The following MTREX variants were observed in gnomAD, a reference collection of about 807,000 sequenced individuals.
MTREX encodes the protein exosome RNA helicase MTR4.
MTREX carries 76 observed loss-of-function variants against 135.4 expected under a neutral mutation model. That is an observed-to-expected ratio of 0.56 (90% confidence interval 0.47 to 0.68). The LOEUF is 0.68. MTREX is among the 30% of genes least tolerant of loss of function. MTREX has a pLI of 0.00. For synonymous variants in MTREX, 404 were observed against 401.6 expected (o/e 1.01, Z -0.07); for missense variants, 920 against 1,262.1 (o/e 0.73, Z 4.11).
intron 1 of MTREX, 33 bp from the exon 2 acceptor site, chr5:55,322,294 T>A: frequency 6.4e-7 from 1 of 1,573,372 alleles, no homozygotes; most frequent in Non-Finnish European, 8.6e-7. Context: ...AAGTGGATAC[T>A]GCAGAATTCA....
chr5:55,396,159 C>A (rs531064886), intron 19 of MTREX, among the ~76,000 whole-genome samples: 1 of 152,172 alleles, frequency 6.6e-6, no homozygotes, highest in African/African-American at 2.4e-5. Flanking sequence ...ACTTGGAATT[C>A]TGTGAAAATG....
In MTREX at chr5:55,379,157, G is replaced by A; in HGVS notation, c.2014G>A (p.Gly672Arg). Reference protein sequence around the residue: ...VKNEGDDFGWGVVVNFSKKSN... With the variant: ...VKNEGDDFGWRVVVNFSKKSN... ...GAATGAAGGAGATGACTTTGGCTGG[G>A]GAGTAGTGGTGAATTTCTCAAAAAA... The change falls in exon 18 of 27, where the codon GGA (glycine) becomes AGA (arginine). Residue 672 changes from glycine (G) to arginine (R), a missense_variant. Physicochemically the swap from Gly to Arg is moderately radical, Grantham distance 125. Coordinates refer to ENST00000230640, the MANE Select transcript of MTREX (RefSeq NM_015360.5). 5 of 1,609,306 alleles carry A rather than the reference G, an allele frequency of 3.1e-6. No individual in the cohort carries two copies. Among genetic ancestry groups the A allele is most frequent in the Non-Finnish European group, 4.2e-6 (5 of 1,177,194 alleles).
At chr5:55,316,581 A>G (rs889963981) in intron 1 of MTREX, among the ~76,000 whole-genome samples, 1 of 152,176 alleles carries the variant, frequency 6.6e-6, no homozygotes, top group Non-Finnish European at 1.5e-5. Flanking sequence ...ATAAAATTCA[A>G]CACCCCTCCA....
intron 16 of MTREX, 133 bp downstream of exon 16, chr5:55,367,008 G>C: frequency 1.6e-6 from 1 of 608,624 alleles, no homozygotes. Context: ...CTGCACAACT[G>C]TAGTCTGGTC....
chr5:55,379,266 C>T (rs1040547472), intron 18 of MTREX, 71 bp downstream of exon 18: 9 of 913,632 alleles, frequency 9.9e-6, no homozygotes, highest in Admixed American at 4.0e-5. Flanking sequence ...CTTATGAAAT[C>T]GGTCTAAGAA....
chr5:55,317,871 C>T (rs936696636), intron 1 of MTREX, among the ~76,000 whole-genome samples: 2 of 152,154 alleles, frequency 1.3e-5, no homozygotes, highest in Non-Finnish European at 2.9e-5. Flanking sequence ...TTTTTGCAAA[C>T]TATGCATTTG....
intron 19 of MTREX, among the ~76,000 whole-genome samples, chr5:55,390,975 G>T (rs932290627): frequency 6.6e-6 from 1 of 151,900 alleles, no homozygotes. Flanking sequence ...AAATTTCTTG[G>T]CTTCCTCAGG....
chr5:55,375,622 A>C (rs1371587521), intron 16 of MTREX, among the ~76,000 whole-genome samples: 1 of 152,118 alleles, frequency 6.6e-6, no homozygotes, highest in Non-Finnish European at 1.5e-5. Flanking sequence ...CAGTTAATGC[A>C]ACTATTACAG....
chr5:55,372,142 G>A (rs887771387), intron 16 of MTREX, among the ~76,000 whole-genome samples: 3 of 152,122 alleles, frequency 2.0e-5, no homozygotes, highest in Non-Finnish European at 4.4e-5. Flanking sequence ...TCAGTGTGCA[G>A]TCTCCATTTT....
At chr5:55,325,446 C>A (rs1038410836) in intron 3 of MTREX, among the ~76,000 whole-genome samples, 8 of 150,822 alleles carry the variant, frequency 5.3e-5, no homozygotes, top group African/African-American at 9.8e-5. Context: ...ATCCTTCTGT[C>A]TCAGCCTCCC....
chr5:55,423,232 A>G (rs1006047825), intron 26 of MTREX: 4 of 423,772 alleles, frequency 9.4e-6, no homozygotes, highest in African/African-American at 6.1e-5. Context: ...ACTAGGGGAT[A>G]TAGTGAACAA....
chr5:55,322,346 T>C lies in MTREX; in HGVS notation c.154T>C (p.Leu52=), dbSNP rs772597216. ...TTTCAGGAAACGTTTTGATGGTAAA[T>C]TACAATCAGAATCAACTAATAATGG... ...DKAGKRFDGK[L]QSESTNNGKN... The change falls in exon 2 of 27, where the codon TTA becomes CTA. Residue 52 remains leucine, a synonymous_variant. Coordinates refer to ENST00000230640, the MANE Select transcript of MTREX (RefSeq NM_015360.5). 6.2e-7 allele frequency: 1 copy of C among 1,602,754 alleles called. No individual in the cohort carries two copies. Among genetic ancestry groups the C allele is most frequent in the Non-Finnish European group, 8.5e-7 (1 of 1,176,198 alleles).
At chr5:55,400,592 A>T (rs775855020) in intron 21 of MTREX, among the ~76,000 whole-genome samples, 171 bp downstream of exon 21, 21 of 152,234 alleles carry the variant, frequency 1.4e-4, no homozygotes, top group Non-Finnish European at 2.5e-4. Flanking sequence ...GCAAGACAAG[A>T]TAAAGTTCAT....
At chr5:55,310,648 T>C (rs1014111580) in intron 1 of MTREX, among the ~76,000 whole-genome samples, 4 of 152,074 alleles carry the variant, frequency 2.6e-5, no homozygotes, top group Admixed American at 1.3e-4. Context: ...CTGATTGCAG[T>C]GGCCATACTA....
chr5:55,371,287 G>A (rs755510400), intron 16 of MTREX, among the ~76,000 whole-genome samples: 1 of 152,172 alleles, frequency 6.6e-6, no homozygotes, highest in Non-Finnish European at 1.5e-5. Context: ...CCATAGAGCA[G>A]TAAAGCAATC....
intron 5 of MTREX, chr5:55,329,254 C>CCT (rs1749430448): frequency 6.6e-6 from 1 of 152,218 alleles, no homozygotes. Context: ...GCAGCCTTGA[C>CCT]CTCTGGGCTC....
At chr5:55,417,907 T>G (rs1579905035) in intron 25 of MTREX, among the ~76,000 whole-genome samples, 1 of 151,840 alleles carries the variant, frequency 6.6e-6, no homozygotes, top group South Asian at 2.1e-4. Flanking sequence ...TTTTATTTTT[T>G]TATTTTTATT....
At position 55,402,899 on chromosome 5, in the gene MTREX, A is replaced by G. The variant is rs1016479580; in HGVS notation, c.2481+2478A>G. 2.1e-5 allele frequency among the ~76,000 whole-genome samples: 3 copies of G among 141,188 alleles called. No homozygotes were observed. The South Asian group carries it at 6.6e-4, about 31-fold the overall frequency. The allele number at this position is 141,188 out of a possible 152,430, so 92.6% of individuals were successfully genotyped here. On this transcript the variant is annotated intron_variant, in intron 21 of 26. Transcript: ENST00000230640. The stretch of plus-strand genomic sequence containing the variant: ...ATATATATAATTTCTTTTTTTTTTA[A>G]TGGAAGAAAAATACAGCCTGGGCAC...
rs774514923 is a variant in MTREX, at chr5:55,307,995, G to C, written c.-19G>C. The stretch of plus-strand genomic sequence containing the variant: ...GGCATCGTGGGTAGGAGGGAGATTT[G>C]CTCTCACTGCTCCCAAAAATGGCGG... On this transcript the variant is annotated 5_prime_UTR_variant, in exon 1 of 27. Transcript: ENST00000230640. 6.2e-7 allele frequency: 1 copy of C among 1,614,066 alleles called. No homozygotes were observed.
Sources: gnomAD v4.1 joint callset for allele counts (sites outside exome capture counted in the v4.1 genomes callset) on GRCh38, gnomAD v4.1.1 for gene constraint, MANE v1.5 for transcripts, NCBI Gene and HGNC (gene_info 2026-07-23, HGNC 2026-07-21) for gene names.